Variants in TRIP13 observed in about 807,000 individuals in gnomAD.
TRIP13 encodes thyroid hormone receptor interactor 13, also known as pachytene checkpoint protein 2 homolog.
Under a neutral mutation model 54.4 loss-of-function variants are expected in TRIP13, and 25 were observed. That is an observed-to-expected ratio of 0.46 (90% CI 0.33 to 0.64). The LOEUF is 0.64. Among genes scored for constraint, TRIP13 ranks in the 30% least tolerant of loss-of-function variants. The probability of loss-of-function intolerance (pLI) is 0.02; values close to 1 mark genes in which losing one functional copy is unlikely to be tolerated. For synonymous variants in TRIP13, 207 were observed against 207.8 expected (o/e 1.00, Z 0.03); for missense variants, 373 against 534.2 (o/e 0.70, Z 2.97).
chr5:895,922 C>T (rs749450674), intron 2 of TRIP13, among the ~76,000 whole-genome samples: 1 of 152,160 alleles, frequency 6.6e-6, no homozygotes, highest in African/African-American at 2.4e-5. Context: ...TTCCATATAT[C>T]TACACTATGT....
Position 911,711 on chromosome 5 carries a change from A to C in TRIP13, c.867-132A>C. On this transcript the variant is annotated intron_variant, in intron 9 of 12. Coordinates refer to ENST00000166345, the MANE Select transcript of TRIP13 (RefSeq NM_004237.4). The surrounding 1 kb of genome is among the most constrained non-coding windows in gnomAD (Gnocchi z 4.7). The stretch of plus-strand genomic sequence containing the variant: ...GGGGGTCTGCGTGGCCTGTGTTGGC[A>C]CAAGGCCACTTTCCTTCCTGTTGGC... 3.3e-6 allele frequency: 4 copies of C among 1,202,816 alleles called. No homozygotes were observed. The highest frequency in any genetic ancestry group is 4.5e-6 in the Non-Finnish European group (4 of 884,740). 74.5% of individuals were successfully genotyped at this position (1,202,816 alleles called of 1,614,324 possible). A position where few individuals can be genotyped will look rare whatever the true frequency, so the allele number is the denominator to read the frequency against.
chr5:917,123 G>C lies in TRIP13; in HGVS notation c.*20G>C. The C allele has an allele frequency of 6.2e-7, 1 of 1,612,684 alleles. No homozygotes were observed. The highest frequency in any genetic ancestry group is 8.5e-7 in the Non-Finnish European group (1 of 1,179,240). On this transcript the variant is annotated 3_prime_UTR_variant, in exon 13 of 13. Coordinates refer to ENST00000166345, the MANE Select transcript of TRIP13 (RefSeq NM_004237.4). Reference sequence around the variant, plus strand: ...ATCTGATCCTGGGCTTCCCCATCTGGTGCTTTTCCCATGGAGAACACACAA... The same window carrying C: ...ATCTGATCCTGGGCTTCCCCATCTGCTGCTTTTCCCATGGAGAACACACAA...
In TRIP13 at chr5:915,858, G is replaced by T. The variant is rs1436244870; in HGVS notation, c.1134-46G>T. On this transcript the variant is annotated intron_variant, in intron 11 of 12. Transcript: ENST00000166345. The surrounding 1 kb of genome is among the most constrained non-coding windows in gnomAD (Gnocchi z 4.2). Reference sequence around the variant, plus strand: ...ATGAGGAAAATTAGTCCTGAAACGTGTGATTGTATAAATTGCTGTCTCTGA... The same window carrying T: ...ATGAGGAAAATTAGTCCTGAAACGTTTGATTGTATAAATTGCTGTCTCTGA... 1 of 1,603,128 alleles carries T rather than the reference G, an allele frequency of 6.2e-7. No individual in the cohort carries two copies. The highest frequency in any genetic ancestry group is 1.1e-5 in the South Asian group (1 of 90,890).
In TRIP13 at chr5:915,804, G is replaced by A. The variant is rs1466167970; in HGVS notation, c.1134-100G>A. The A allele has an allele frequency of 1.8e-5, 23 of 1,294,412 alleles. No homozygotes were observed. Among genetic ancestry groups the A allele is most frequent in the East Asian group, 1.2e-4 (5 of 43,308 alleles). 80.2% of individuals were successfully genotyped at this position (1,294,412 alleles called of 1,614,324 possible). ...ACCCAGGGTGTGCTTGGGACGCCTC[G>A]GCTTGTGTTCCCAGGGATGCCTCGG... On this transcript the variant is annotated intron_variant, in intron 11 of 12. Coordinates refer to ENST00000166345, the MANE Select transcript of TRIP13 (RefSeq NM_004237.4). The surrounding 1 kb of genome is among the most constrained non-coding windows in gnomAD (Gnocchi z 4.2).
Position 917,187 on chromosome 5 carries a change from G to A in TRIP13, c.*84G>A, listed in dbSNP as rs1272398224. On this transcript the variant is annotated 3_prime_UTR_variant, in exon 13 of 13. Transcript: ENST00000166345. ...TTGCCCCACACAGCCGTCTCCCAGG[G>A]AATCCCTTCTGCAAACCAAACGTTA... is the stretch of plus-strand genomic sequence containing the variant. 3 of 1,369,890 alleles carry A rather than the reference G, an allele frequency of 2.2e-6. No homozygotes were observed. In the East Asian group the frequency reaches 7.2e-5, roughly 33 times the overall value. The allele number at this position is 1,369,890 out of a possible 1,614,324, so 84.9% of individuals were successfully genotyped here.
Position 904,230 on chromosome 5 carries a change from G to C in TRIP13, c.608+10G>C. ...TTAGACTTTCAAGCAGGTAACTTTC[G>C]GTAATCTGTGAGAGGAGAGCCATGG... is the stretch of plus-strand genomic sequence containing the variant. On this transcript the variant is annotated intron_variant, in intron 6 of 12. Transcript: ENST00000166345. The C allele has an allele frequency of 6.2e-7, 1 of 1,604,256 alleles. No homozygotes were observed. The highest frequency in any genetic ancestry group is 8.5e-7 in the Non-Finnish European group (1 of 1,176,684).
Position 911,915 on chromosome 5 carries a change from T to A in TRIP13, c.939T>A (p.Ala313=), listed in dbSNP as rs1340640599. ...EKIDVAFVDR[A]DIKQYIGPPS... is the part of the protein sequence containing the mutation. ...TCGACGTGGCCTTCGTGGACAGGGC[T>A]GACATCAAGCAGTACATTGGGCCAC... Residue 313 remains alanine (A), a synonymous_variant, in exon 10 of 13, where the codon GCT becomes GCA. Coordinates refer to ENST00000166345, the MANE Select transcript of TRIP13 (RefSeq NM_004237.4). This position sits in a 1 kb window ranked among gnomAD's most constrained non-coding sequence, Gnocchi z 4.7. 1.2e-6 allele frequency: 2 copies of A among 1,613,740 alleles called. No homozygotes were observed. Among genetic ancestry groups the A allele is most frequent in the Non-Finnish European group, 1.7e-6 (2 of 1,179,894 alleles).
chr5:910,252 C>T (rs1003398459), intron 9 of TRIP13, among the ~76,000 whole-genome samples: 3 of 152,212 alleles, frequency 2.0e-5, no homozygotes, highest in Admixed American at 2.0e-4. Flanking sequence ...TGGCCCCTTC[C>T]CTGAATCTCT....
At position 908,352 on chromosome 5, in the gene TRIP13, C is replaced by G; in HGVS notation, c.760-3C>G. 1 of 1,610,716 alleles carries G rather than the reference C, an allele frequency of 6.2e-7. No individual in the cohort carries two copies. The highest frequency in any genetic ancestry group is 8.5e-7 in the Non-Finnish European group (1 of 1,180,018). ...TTTTGACCCCACTGCTCCCTCCCAA[C>G]AGGTGGAGAGTCTCACAGCCGCCCG... On this transcript the variant is annotated splice_region_variant and splice_polypyrimidine_tract_variant and intron_variant, in intron 8 of 12. Coordinates refer to ENST00000166345, the MANE Select transcript of TRIP13 (RefSeq NM_004237.4). This position sits in a 1 kb window ranked among gnomAD's most constrained non-coding sequence, Gnocchi z 5.2.
chr5:916,996 TG>T lies in TRIP13; in HGVS notation c.1204-11del. On this transcript the variant is annotated splice_polypyrimidine_tract_variant and intron_variant, in intron 12 of 12. Coordinates refer to ENST00000166345, the MANE Select transcript of TRIP13 (RefSeq NM_004237.4). ...AGTTGAGCCCCTCCAGCAATGACCG[TG>T]TACCTTCTAGGCCCCCACCGTCACC... The T allele has an allele frequency of 6.2e-7, 1 of 1,612,516 alleles. No homozygotes were observed. The highest frequency in any genetic ancestry group is 8.5e-7 in the Non-Finnish European group (1 of 1,179,406).
intron 4 of TRIP13, 42 bp from the exon 5 acceptor site, chr5:901,299 T>A (rs1203972585): frequency 6.3e-7 from 1 of 1,594,766 alleles, no homozygotes; most frequent in South Asian, 1.1e-5. Flanking sequence ...GACCTTTGCC[T>A]TGTTGGTATC....
rs1753876714 is a variant in TRIP13, at chr5:894,773, GCTT to G, written c.93-10_93-8del. On this transcript the variant is annotated splice_polypyrimidine_tract_variant and intron_variant, in intron 1 of 12. Transcript: ENST00000166345. ...ACTAAGATCATTTATGTGTGTTTTG[GCTT>G]CTTTTTTTAGCACTGCAAAGAAAGA... 3 of 1,585,252 alleles carry G rather than the reference GCTT, an allele frequency of 1.9e-6. No individual in the cohort carries two copies. The highest frequency in any genetic ancestry group is 1.2e-5 in the South Asian group (1 of 85,450).
intron 5 of TRIP13, among the ~76,000 whole-genome samples, chr5:903,538 C>T (rs1386773743): frequency 1.3e-5 from 2 of 152,026 alleles, no homozygotes; most frequent in Non-Finnish European, 2.9e-5. Flanking sequence ...AGCTCGTGCC[C>T]TCGGTCTCTT....
At chr5:910,604 A>G (rs1314659192) in intron 9 of TRIP13, among the ~76,000 whole-genome samples, 1 of 152,102 alleles carries the variant, frequency 6.6e-6, no homozygotes, top group Non-Finnish European at 1.5e-5. Flanking sequence ...TGTCAGTCAC[A>G]AGGGGGTGTG....
rs147804287 is a variant in TRIP13, at chr5:910,777, C to A, written c.867-1066C>A. On this transcript the variant is annotated intron_variant, in intron 9 of 12. Coordinates refer to ENST00000166345, the MANE Select transcript of TRIP13 (RefSeq NM_004237.4). ...CTGGGTCGTGATCTGCAGGCCTAGG[C>A]CTCCCTCTGGCCCTTCCTGCAGCCC... 6.6e-5 allele frequency among the ~76,000 whole-genome samples: 10 copies of A among 152,326 alleles called. No homozygotes were observed. In the East Asian group the frequency reaches 1.9e-3, roughly 29 times the overall value.
chr5:894,835 C>T lies in TRIP13; in HGVS notation c.141C>T (p.Asn47=). 6.2e-7 allele frequency: 1 copy of T among 1,613,330 alleles called. No homozygotes were observed. Among genetic ancestry groups the T allele is most frequent in the Non-Finnish European group, 8.5e-7 (1 of 1,179,746 alleles). The change falls in exon 2 of 13, where the codon AAC becomes AAT. Residue 47 remains asparagine, a synonymous_variant. Coordinates refer to ENST00000166345, the MANE Select transcript of TRIP13 (RefSeq NM_004237.4). ...DINLSVRKLL[N]RHNIVFGDYT... The stretch of plus-strand genomic sequence containing the variant: ...ACCTGAGTGTTAGAAAGCTACTCAA[C>T]AGACATAATATTGTGTTTGGTGATT...
intron 6 of TRIP13, among the ~76,000 whole-genome samples, chr5:906,180 C>G (rs1050312748): frequency 1.3e-5 from 2 of 151,918 alleles, no homozygotes; most frequent in African/African-American, 4.8e-5. Context: ...GGAGTGAGAC[C>G]CTGCCTCCAA....
intron 1 of TRIP13, chr5:893,522 C>T (rs753446028): frequency 3.4e-5 from 7 of 205,368 alleles, no homozygotes; most frequent in Non-Finnish European, 7.1e-5. Flanking sequence ...TTCTCAGACC[C>T]TTTAATTGTT....
At chr5:899,984 G>T (rs1230472249) in intron 3 of TRIP13, among the ~76,000 whole-genome samples, 2 of 151,414 alleles carry the variant, frequency 1.3e-5, no homozygotes, top group African/African-American at 2.4e-5. Flanking sequence ...GCTTCATTCA[G>T]TCAGTGTGTG....
Sources: gnomAD v4.1 joint callset for allele counts (sites outside exome capture counted in the v4.1 genomes callset) on GRCh38, gnomAD v4.1.1 for gene constraint, Gnocchi (gnomAD v3.1) non-coding constraint, MANE v1.5 for transcripts, NCBI Gene and HGNC (gene_info 2026-07-23, HGNC 2026-07-21) for gene names.